DAB1: variants seen among roughly 807,000 people sequenced by gnomAD.
DAB1 encodes the protein DAB adaptor protein 1.
A neutral mutation model predicts 64.6 loss-of-function variants in DAB1; 15 were observed. The observed-to-expected ratio is 0.23, with a 90% CI of 0.16 to 0.36. The LOEUF (loss-of-function observed/expected upper bound fraction) is 0.36. Among genes scored for constraint, DAB1 ranks in the 10% least tolerant of loss-of-function variants. The probability of loss-of-function intolerance (pLI) is 1.00; values close to 1 mark genes in which losing one functional copy is unlikely to be tolerated. For synonymous variants in DAB1, 235 were observed against 251.9 expected, an observed-to-expected ratio of 0.93 and a Z score of 0.64; for missense variants, 596 against 706.7, an observed-to-expected ratio of 0.84 and a Z score of 1.78.
chr1:57,770,965 A>C (rs1453488369), intron 6 of DAB1, among the ~76,000 whole-genome samples: 1 of 152,134 alleles, frequency 6.6e-6, no homozygotes, highest in Non-Finnish European at 1.5e-5. Flanking sequence ...TCATGATCTC[A>C]TTTAATCCCC....
At chr1:57,792,128 T>G (rs1650630122) in intron 6 of DAB1, among the ~76,000 whole-genome samples, 1 of 152,140 alleles carries the variant, frequency 6.6e-6, no homozygotes, top group Admixed American at 6.5e-5. Context: ...GAAAAACAGC[T>G]TATTTATCTC....
intron 1 of DAB1, among the ~76,000 whole-genome samples, chr1:57,320,144 G>A (rs923026814): frequency 6.6e-6 from 1 of 152,168 alleles, no homozygotes; most frequent in African/African-American, 2.4e-5. Flanking sequence ...ATTGTGTCAA[G>A]GGAAGGACCT....
At chr1:57,086,091 C>CA (rs1557693574) in intron 4 of DAB1, among the ~76,000 whole-genome samples, 1 of 152,112 alleles carries the variant, frequency 6.6e-6, no homozygotes, top group Non-Finnish European at 1.5e-5. Flanking sequence ...ACAAGACAGG[C>CA]AGGGGTCAGG....
intron 4 of DAB1, among the ~76,000 whole-genome samples, chr1:58,317,613 C>T (rs747345776): frequency 3.9e-5 from 6 of 152,162 alleles, no homozygotes; most frequent in Non-Finnish European, 5.9e-5. Context: ...AGATGCAACC[C>T]GAAGGAACTG....
At chr1:57,440,257 A>G (rs1333978228) in intron 7 of DAB1, among the ~76,000 whole-genome samples, 2 of 152,128 alleles carry the variant, frequency 1.3e-5, no homozygotes, top group Non-Finnish European at 2.9e-5. Flanking sequence ...TGGATCCCCC[A>G]CTGAGATTGT....
chr1:58,158,623 C>T (rs759338974), intron 4 of DAB1, among the ~76,000 whole-genome samples: 10 of 152,148 alleles, frequency 6.6e-5, no homozygotes, highest in Non-Finnish European at 1.3e-4. Context: ...TACTGCAGCT[C>T]GCGTTTCCTT....
chr1:57,574,383 C>A (rs1025085803), intron 7 of DAB1, among the ~76,000 whole-genome samples: 23 of 152,154 alleles, frequency 1.5e-4, no homozygotes, highest in Admixed American at 1.4e-3. Flanking sequence ...GAATGGGAAG[C>A]AAAGCAGCAA....
chr1:58,123,318 G>T (rs1377497945), intron 5 of DAB1, among the ~76,000 whole-genome samples: 1 of 152,122 alleles, frequency 6.6e-6, no homozygotes, highest in Non-Finnish European at 1.5e-5. Flanking sequence ...TGGTCTCATT[G>T]TCTGTCAGAG....
chr1:57,935,183 G>A (rs1266237838), intron 5 of DAB1, among the ~76,000 whole-genome samples: 2 of 152,204 alleles, frequency 1.3e-5, no homozygotes, highest in East Asian at 3.9e-4. Flanking sequence ...GGAGGGTTTA[G>A]TGGTTAGGGG....
intron 3 of DAB1, among the ~76,000 whole-genome samples, chr1:58,344,792 C>T (rs1643976602): frequency 6.6e-6 from 1 of 152,138 alleles, no homozygotes; most frequent in Admixed American, 6.5e-5. Context: ...AATATTACTG[C>T]CTAGCTTGCA....
At chr1:57,465,112 T>C (rs1004125999) in intron 7 of DAB1, among the ~76,000 whole-genome samples, 2 of 152,182 alleles carry the variant, frequency 1.3e-5, no homozygotes, top group African/African-American at 4.8e-5. Context: ...TGTCCTCTAG[T>C]TCATCAAAAT....
At chr1:57,655,723 A>G (rs959058109) in intron 6 of DAB1, among the ~76,000 whole-genome samples, 1 of 152,226 alleles carries the variant, frequency 6.6e-6, no homozygotes, top group Non-Finnish European at 1.5e-5. Flanking sequence ...GGCTGAAATA[A>G]TACACAAACT....
intron 1 of DAB1, among the ~76,000 whole-genome samples, chr1:57,337,865 TCCC>T (rs1558192345): frequency 7.6e-6 from 1 of 131,006 alleles, no homozygotes; most frequent in African/African-American, 2.9e-5. Flanking sequence ...CCCTTTCCCT[TCCC>T]TCCCCTCCCC....
intron 2 of DAB1, among the ~76,000 whole-genome samples, chr1:58,526,028 C>A (rs1260002986): frequency 6.6e-6 from 1 of 152,004 alleles, no homozygotes; most frequent in African/African-American, 2.4e-5. Context: ...CCCTCTTCCT[C>A]ATATTATATA....
intron 4 of DAB1, among the ~76,000 whole-genome samples, chr1:58,268,843 A>G (rs2100424944): frequency 6.6e-6 from 1 of 152,314 alleles, no homozygotes; most frequent in South Asian, 2.1e-4. Flanking sequence ...GAGGTTTCAT[A>G]CTTCTTGATT....
intron 1 of DAB1, among the ~76,000 whole-genome samples, chr1:57,422,117 G>C (rs1201906812): frequency 6.6e-6 from 1 of 152,188 alleles, no homozygotes; most frequent in African/African-American, 2.4e-5. Context: ...ACGTGAACTG[G>C]ATAATTAGGC....
At chr1:58,319,151 G>A (rs1221625218) in intron 4 of DAB1, among the ~76,000 whole-genome samples, 1 of 152,052 alleles carries the variant, frequency 6.6e-6, no homozygotes, top group Non-Finnish European at 1.5e-5. Flanking sequence ...TGGGGGCAGG[G>A]AAAGAAATGG....
chr1:57,281,666 T>G (rs1375963709), intron 2 of DAB1, among the ~76,000 whole-genome samples: 2 of 152,088 alleles, frequency 1.3e-5, no homozygotes, highest in Non-Finnish European at 1.5e-5. Context: ...GTGATCTGAT[T>G]AAATCTCCGC....
intron 7 of DAB1, among the ~76,000 whole-genome samples, chr1:57,603,533 C>T (rs781642650): frequency 6.6e-6 from 1 of 152,228 alleles, no homozygotes. Flanking sequence ...GCGGGGACCA[C>T]ATCAGGCATT....
Sources: allele counts gnomAD v4.1 joint callset (sites outside exome capture counted in the v4.1 genomes callset), GRCh38; gene constraint gnomAD v4.1.1; transcripts MANE v1.5; gene names NCBI Gene and HGNC (gene_info 2026-07-23, HGNC 2026-07-21).